DOCK11: variants seen among roughly 807,000 people sequenced by gnomAD.
DOCK11 encodes dedicator of cytokinesis protein 11.
Under a neutral mutation model 169.1 loss-of-function variants are expected in DOCK11, and 70 were observed. The observed-to-expected ratio is 0.41, with a 90% CI of 0.34 to 0.51. The LOEUF is 0.51. DOCK11 is among the 20% of genes least tolerant of loss of function. The pLI, the probability that DOCK11 is intolerant of heterozygous loss-of-function variation, is 0.10. For missense variants in DOCK11, 1,166 were observed against 1,538.8 expected (o/e 0.76, Z 4.05); for synonymous variants, 529 against 541.3 (o/e 0.98, Z 0.32).
chrX:118,572,586 G>A, intron 11 of DOCK11, 123 bp downstream of exon 11: 1 of 574,018 alleles, frequency 1.7e-6, no homozygotes, highest in South Asian at 6.4e-5. Flanking sequence ...ACCTGCACAT[G>A]TACTCCTGAA....
At chrX:118,503,989 G>T (rs774926408) in intron 1 of DOCK11, among the ~76,000 whole-genome samples, 33 of 110,592 alleles carry the variant, frequency 3.0e-4, no homozygotes, top group Non-Finnish European at 5.5e-4. Context: ...GTCAGTGAGG[G>T]GTTGACTTCC....
In DOCK11 at chrX:118,638,119, C is replaced by T. The variant is rs765702987; in HGVS notation, c.3993C>T (p.Asn1331=). The T allele has an allele frequency of 2.5e-6, 3 of 1,204,858 alleles. No homozygotes were observed. The highest frequency in any genetic ancestry group is 3.5e-5 in the African/African-American group (2 of 57,126). The change falls in exon 37 of 53, where the codon AAC becomes AAT. Residue 1331 remains asparagine, a synonymous_variant. Transcript: ENST00000276202. The part of the protein sequence containing the change: ...LFHFRYMGKR[N]IARVHDAWLS... ...ACTTTAGATATATGGGGAAAAGAAA[C>T]ATAGCAAGGTAATTCCCATAGCACT...
chrX:118,506,606 C>T (rs1603019045), intron 1 of DOCK11, among the ~76,000 whole-genome samples: 1 of 111,275 alleles, frequency 9.0e-6, no homozygotes, highest in East Asian at 2.8e-4. Flanking sequence ...GCAGAGGTTG[C>T]AGTGAGCTGA....
chrX:118,495,942 G>T lies in DOCK11; in HGVS notation c.-30G>T, dbSNP rs2057532865. The T allele has an allele frequency of 9.9e-7, 1 of 1,007,209 alleles. No individual in the cohort carries two copies. The highest frequency in any genetic ancestry group is 1.3e-6 in the Non-Finnish European group (1 of 788,075). The allele number at this position is 1,007,209 out of a possible 1,213,427, so 83.0% of individuals were successfully genotyped here. On this transcript the variant is annotated 5_prime_UTR_variant, in exon 1 of 53. Coordinates refer to ENST00000276202, the MANE Select transcript of DOCK11 (RefSeq NM_144658.4). ...TCCACCCGCCCGCCGAGGTCCGCCCGCCCGCCGAGACCCGCCCGCCGCCGC... is the reference window on the plus strand; with the variant it reads ...TCCACCCGCCCGCCGAGGTCCGCCCTCCCGCCGAGACCCGCCCGCCGCCGC...
At chrX:118,525,832 A>G (rs866358278) in intron 1 of DOCK11, among the ~76,000 whole-genome samples, 1 of 109,633 alleles carries the variant, frequency 9.1e-6, no homozygotes, top group South Asian at 3.9e-4. Context: ...GGAAAAAAAA[A>G]GAAAAAGAAC....
intron 52 of DOCK11, among the ~76,000 whole-genome samples, chrX:118,684,221 G>A (rs1485992505): frequency 9.5e-6 from 1 of 105,417 alleles, no homozygotes; most frequent in African/African-American, 3.5e-5. Flanking sequence ...GAATACCGAA[G>A]TATATAGTCC....
At chrX:118,649,271 G>A in intron 41 of DOCK11, 144 bp downstream of exon 41, 1 of 415,803 alleles carries the variant, frequency 2.4e-6, no homozygotes, top group East Asian at 4.0e-5. Flanking sequence ...TAGATGTTCT[G>A]AAAGTGTAAA....
chrX:118,512,592 G>A (rs1429744634), intron 1 of DOCK11, among the ~76,000 whole-genome samples: 2 of 111,950 alleles, frequency 1.8e-5, no homozygotes, highest in African/African-American at 6.5e-5. Flanking sequence ...ATGCCATTCA[G>A]CATATAGGAT....
chrX:118,596,168 C>G (rs999430711), intron 20 of DOCK11, among the ~76,000 whole-genome samples: 2 of 112,152 alleles, frequency 1.8e-5, no homozygotes, highest in Admixed American at 1.9e-4. Context: ...AATCTTTTCT[C>G]ATTTGTCAAA....
At chrX:118,541,224 A>C (rs1196463362) in intron 1 of DOCK11, among the ~76,000 whole-genome samples, 1 of 111,875 alleles carries the variant, frequency 8.9e-6, no homozygotes, top group South Asian at 3.7e-4. Flanking sequence ...TGCACATGAG[A>C]ATCTTGGTAT....
At chrX:118,533,695 A>G (rs956793514) in intron 1 of DOCK11, among the ~76,000 whole-genome samples, 1 of 112,555 alleles carries the variant, frequency 8.9e-6, no homozygotes, top group Non-Finnish European at 1.9e-5. Flanking sequence ...CTACATACCT[A>G]TAGAATGCCT....
intron 46 of DOCK11, among the ~76,000 whole-genome samples, chrX:118,674,293 A>G (rs1281753698): frequency 9.0e-6 from 1 of 110,718 alleles, no homozygotes; most frequent in African/African-American, 3.3e-5. Context: ...TGGGAGGTGC[A>G]CACCACCACT....
intron 37 of DOCK11, 131 bp from the exon 38 acceptor site, chrX:118,639,304 T>A: frequency 1.7e-6 from 1 of 592,101 alleles, no homozygotes; most frequent in Non-Finnish European, 2.5e-6. Flanking sequence ...CAGTTTCTAG[T>A]GACACTTCAT....
In DOCK11 at chrX:118,588,496, A is replaced by G. The variant is rs773362581; in HGVS notation, c.2046+18A>G. 7.8e-6 allele frequency: 9 copies of G among 1,148,028 alleles called. No individual in the cohort carries two copies. The Admixed American group carries it at 1.6e-4, about 21-fold the overall frequency. The allele number at this position is 1,148,028 out of a possible 1,213,427, so 94.6% of individuals were successfully genotyped here. A position where few individuals can be genotyped will look rare whatever the true frequency, so the allele number is the denominator to read the frequency against. On this transcript the variant is annotated intron_variant, in intron 18 of 52. Coordinates refer to ENST00000276202, the MANE Select transcript of DOCK11 (RefSeq NM_144658.4). ...CCCTAAAGGTTTGTTTATGATATTG[A>G]TAGGCATATGTTTTTAGTAGAGATG... is the stretch of plus-strand genomic sequence containing the variant.
In DOCK11 at chrX:118,604,935, C is replaced by T. The variant is rs770017139; in HGVS notation, c.2563-303C>T. ...CCAAACATCTGTTCCTCCCCACTGCCCCAGGCAATTGAGTGTTGGTTTACC... is the reference window on the plus strand; with the variant it reads ...CCAAACATCTGTTCCTCCCCACTGCTCCAGGCAATTGAGTGTTGGTTTACC... On this transcript the variant is annotated intron_variant, in intron 23 of 52. Transcript: ENST00000276202. Among the ~76,000 whole-genome samples the T allele has an allele frequency of 6.3e-5, 7 of 111,601 alleles. No individual in the cohort carries two copies. The Admixed American group carries it at 6.7e-4, about 11-fold the overall frequency.
intron 10 of DOCK11, among the ~76,000 whole-genome samples, chrX:118,571,950 T>C (rs1436119249): frequency 1.8e-5 from 2 of 111,675 alleles, no homozygotes; most frequent in Non-Finnish European, 3.8e-5. Context: ...GTGTCCTTGT[T>C]GTGCTGGCAA....
At chrX:118,646,892 C>A (rs972215378) in intron 40 of DOCK11, among the ~76,000 whole-genome samples, 1 of 111,244 alleles carries the variant, frequency 9.0e-6, no homozygotes. Context: ...TAAAAGATGT[C>A]CCTCTAGCTT....
chrX:118,594,260 G>A (rs774554973), intron 20 of DOCK11, among the ~76,000 whole-genome samples: 2 of 111,850 alleles, frequency 1.8e-5, no homozygotes, highest in African/African-American at 6.5e-5. Flanking sequence ...AGCACTTTAC[G>A]AACATCAGCA....
At position 118,670,909 on chromosome X, in the gene DOCK11, A is replaced by G. The variant is rs1183780201; in HGVS notation, c.5077-114A>G. 1.3e-5 allele frequency: 8 copies of G among 633,505 alleles called. No homozygotes were observed. The Admixed American group carries it at 2.6e-4, about 21-fold the overall frequency. The allele number at this position is 633,505 out of a possible 1,213,427, so 52.2% of individuals were successfully genotyped here. A position where few individuals can be genotyped will look rare whatever the true frequency, so the allele number is the denominator to read the frequency against. On this transcript the variant is annotated intron_variant, in intron 45 of 52. Coordinates refer to ENST00000276202, the MANE Select transcript of DOCK11 (RefSeq NM_144658.4). ...CAAGTATGTTCCTTTTGTGCATCTC[A>G]TTGAATTTAGTACCATCTGTTTGTT...
Sources: gnomAD v4.1 joint callset for allele counts (sites outside exome capture counted in the v4.1 genomes callset) on GRCh38, gnomAD v4.1.1 for gene constraint, MANE v1.5 for transcripts, NCBI Gene and HGNC (gene_info 2026-07-23, HGNC 2026-07-21) for gene names.